Variants in TMEM123 observed in about 807,000 individuals in gnomAD.
TMEM123 encodes porimin.
In TMEM123, 16 loss-of-function variants were observed where a neutral mutation model predicts 19.7. That is an observed-to-expected ratio of 0.81 (90% CI 0.55 to 1.23). TMEM123 has a LOEUF of 1.23. TMEM123 is among the 50% of genes most tolerant of loss of function. The probability of loss-of-function intolerance (pLI) is 0.00; values close to 1 mark genes in which losing one functional copy is unlikely to be tolerated. For synonymous variants in TMEM123, 118 were observed against 99.4 expected, an observed-to-expected ratio of 1.19 and a Z score of -1.12; for missense variants, 313 against 257.8, an observed-to-expected ratio of 1.21 and a Z score of -1.47.
chr11:102,406,294 AG>A (rs1951954923), intron 2 of TMEM123, among the ~76,000 whole-genome samples: 2 of 152,264 alleles, frequency 1.3e-5, no homozygotes, highest in South Asian at 4.1e-4. Context: ...ATGGGGGTAA[AG>A]AGGAGAATGC....
intron 2 of TMEM123, among the ~76,000 whole-genome samples, chr11:102,425,659 C>T (rs1952120862): frequency 6.7e-6 from 1 of 148,924 alleles, no homozygotes; most frequent in Non-Finnish European, 1.5e-5. Flanking sequence ...TTGCAGCTCA[C>T]TGTAGCCTCA....
intron 2 of TMEM123, among the ~76,000 whole-genome samples, chr11:102,445,688 A>C (rs1284842683): frequency 6.6e-6 from 1 of 152,236 alleles, no homozygotes; most frequent in Non-Finnish European, 1.5e-5. Context: ...TCTTCTGTAG[A>C]AATCTAAATG....
At chr11:102,426,844 T>A (rs1013673757) in intron 2 of TMEM123, among the ~76,000 whole-genome samples, 1 of 145,792 alleles carries the variant, frequency 6.9e-6, no homozygotes, top group African/African-American at 2.6e-5. Context: ...CATGGCTTAA[T>A]GTTTTTAAAG....
chr11:102,421,351 T>C (rs1219676797), intron 2 of TMEM123, among the ~76,000 whole-genome samples: 2 of 152,170 alleles, frequency 1.3e-5, no homozygotes, highest in African/African-American at 4.8e-5. Flanking sequence ...ATAACATTAT[T>C]AGAGCTGTAT....
intron 2 of TMEM123, among the ~76,000 whole-genome samples, chr11:102,434,702 A>G (rs1311313367): frequency 6.6e-6 from 1 of 151,802 alleles, no homozygotes; most frequent in Admixed American, 6.6e-5. Flanking sequence ...TAGTAGTTTT[A>G]CAACTTCAGG....
intron 2 of TMEM123, among the ~76,000 whole-genome samples, chr11:102,436,306 GC>G (rs1381445655): frequency 2.6e-5 from 4 of 151,826 alleles, no homozygotes; most frequent in Non-Finnish European, 4.4e-5. Flanking sequence ...GGGACTACAG[GC>G]GTGCATCACC....
rs1354443668 is a variant in TMEM123, at chr11:102,448,808, T to A, written c.157+4A>T. ...ATTTGTTTTTTTAATCTTTTAAAAC[T>A]CACCTGTTGAGTTAGCACTGGAGTT... On this transcript the variant is annotated splice_donor_region_variant and intron_variant, in intron 2 of 4. Coordinates refer to ENST00000398136, the MANE Select transcript of TMEM123 (RefSeq NM_052932.3). The A allele has an allele frequency of 6.2e-7, 1 of 1,613,360 alleles. No individual in the cohort carries two copies. The highest frequency in any genetic ancestry group is 1.7e-5 in the Admixed American group (1 of 60,018).
intron 2 of TMEM123, among the ~76,000 whole-genome samples, chr11:102,405,966 C>T (rs1951952545): frequency 6.6e-6 from 1 of 152,190 alleles, no homozygotes; most frequent in Non-Finnish European, 1.5e-5. Flanking sequence ...CATTGGATGA[C>T]CCAATCTTCT....
rs996417034 is a variant in TMEM123 at position 102,410,661 on chromosome 11, C to G, written c.158-8455G>C. 1.2e-4 allele frequency among the ~76,000 whole-genome samples: 18 copies of G among 152,252 alleles called. 1 individual carries two copies. Among genetic ancestry groups the G allele is most frequent in the African/African-American group, 2.9e-4 (12 of 41,554 alleles). ...AATTCACTCTGCTATTCCTCCTTAT[C>G]ACACCCCTGTTAGGCTGACAGCTTG... On this transcript the variant is annotated intron_variant, in intron 2 of 4. Coordinates refer to ENST00000398136, the MANE Select transcript of TMEM123 (RefSeq NM_052932.3).
chr11:102,431,774 T>C (rs1484327162), intron 2 of TMEM123, among the ~76,000 whole-genome samples: 1 of 152,198 alleles, frequency 6.6e-6, no homozygotes, highest in Non-Finnish European at 1.5e-5. Flanking sequence ...CATCTTGAAT[T>C]GTAATCCCCA....
chr11:102,435,601 A>AT (rs1555057112), intron 2 of TMEM123, among the ~76,000 whole-genome samples: 1 of 151,982 alleles, frequency 6.6e-6, no homozygotes, highest in Non-Finnish European at 1.5e-5. Context: ...AAATGAAAAT[A>AT]TATGTCCACG....
Position 102,398,127 on chromosome 11 carries a change from CA to C in TMEM123, c.*739del. On this transcript the variant is annotated 3_prime_UTR_variant, in exon 5 of 5. Coordinates refer to ENST00000398136, the MANE Select transcript of TMEM123 (RefSeq NM_052932.3). ...AATACTGACAACTAAGTCTTTAAAACATTATTATGTTAAACACTGCAGTTTA... is the reference window on the plus strand; with the variant it reads ...AATACTGACAACTAAGTCTTTAAAACTTATTATGTTAAACACTGCAGTTTA... 6.5e-6 allele frequency: 1 copy of C among 153,116 alleles called. No homozygotes were observed. Among genetic ancestry groups the C allele is most frequent in the East Asian group, 1.9e-4 (1 of 5,214 alleles). 9.5% of individuals were successfully genotyped at this position (153,116 alleles called of 1,614,324 possible). A position where few individuals can be genotyped will look rare whatever the true frequency, so the allele number is the denominator to read the frequency against.
chr11:102,398,957 A>G, intron 4 of TMEM123, 66 bp from the exon 5 acceptor site: 2 of 1,411,216 alleles, frequency 1.4e-6, no homozygotes, highest in Non-Finnish European at 2.0e-6. Context: ...TTATGTTCCT[A>G]TTTGTTAGTA....
chr11:102,415,658 T>A (rs943255408), intron 2 of TMEM123, among the ~76,000 whole-genome samples: 1 of 152,170 alleles, frequency 6.6e-6, no homozygotes, highest in African/African-American at 2.4e-5. Flanking sequence ...TCAGAATCTG[T>A]GAGACATGGC....
chr11:102,415,268 C>G (rs1230621621), intron 2 of TMEM123, among the ~76,000 whole-genome samples: 6 of 152,126 alleles, frequency 3.9e-5, no homozygotes, highest in African/African-American at 1.4e-4. Context: ...CAGTATTAGA[C>G]AGATCACTGA....
intron 2 of TMEM123, among the ~76,000 whole-genome samples, chr11:102,431,616 G>C (rs1307496665): frequency 6.6e-6 from 1 of 152,194 alleles, no homozygotes; most frequent in East Asian, 1.9e-4. Flanking sequence ...TCAAATGACA[G>C]AATTTGCACA....
At chr11:102,425,563 T>G (rs1051062307) in intron 2 of TMEM123, among the ~76,000 whole-genome samples, 4 of 139,180 alleles carry the variant, frequency 2.9e-5, no homozygotes, top group Admixed American at 7.1e-5. Context: ...TCCAGGATTG[T>G]TTTTTTTTTT....
chr11:102,423,345 A>G (rs1041387472), intron 2 of TMEM123, among the ~76,000 whole-genome samples: 3 of 152,228 alleles, frequency 2.0e-5, no homozygotes, highest in Admixed American at 2.0e-4. Flanking sequence ...AAATGATGCT[A>G]TACGACTTCT....
intron 1 of TMEM123, among the ~76,000 whole-genome samples, chr11:102,449,976 T>C (rs960380639): frequency 6.6e-6 from 1 of 152,166 alleles, no homozygotes; most frequent in Non-Finnish European, 1.5e-5. Context: ...TTTTCTACTA[T>C]AAACCTGCTC....
Sources: allele counts gnomAD v4.1 joint callset (sites outside exome capture counted in the v4.1 genomes callset), GRCh38; gene constraint gnomAD v4.1.1; transcripts MANE v1.5; gene names NCBI Gene and HGNC (gene_info 2026-07-23, HGNC 2026-07-21).